DACH2: variants seen among roughly 807,000 people sequenced by gnomAD.
DACH2 encodes dachshund homolog 2.
In DACH2, 17 loss-of-function variants were observed where a neutral mutation model predicts 35.8. That is an observed-to-expected ratio of 0.48 (90% CI 0.33 to 0.71). DACH2 has a LOEUF of 0.71. Among genes scored for constraint, DACH2 ranks in the 30% least tolerant of loss-of-function variants. The probability of loss-of-function intolerance (pLI) is 0.02; values close to 1 mark genes in which losing one functional copy is unlikely to be tolerated. For missense variants in DACH2, 469 were observed against 472.7 expected (o/e 0.99, Z 0.07); for synonymous variants, 195 against 177.3 (o/e 1.10, Z -0.79).
chrX:86,248,906 A>G (rs548499759), intron 1 of DACH2, among the ~76,000 whole-genome samples: 11 of 111,044 alleles, frequency 9.9e-5, no homozygotes, highest in South Asian at 3.8e-4. Flanking sequence ...TTGCACACCC[A>G]TAACCATCTG....
intron 7 of DACH2, among the ~76,000 whole-genome samples, chrX:86,740,579 T>G (rs1362327939): frequency 2.1e-5 from 2 of 93,793 alleles, no homozygotes; most frequent in Non-Finnish European, 4.1e-5. Flanking sequence ...TGATTTCCCC[T>G]ACATTTATAT....
intron 1 of DACH2, among the ~76,000 whole-genome samples, chrX:86,281,073 T>C (rs1206760549): frequency 9.0e-6 from 1 of 111,362 alleles, no homozygotes; most frequent in Non-Finnish European, 1.9e-5. Flanking sequence ...ATTCAGGCCT[T>C]GAACTCAGCT....
At chrX:86,741,436 G>A (rs1368543725) in intron 7 of DACH2, among the ~76,000 whole-genome samples, 2 of 111,774 alleles carry the variant, frequency 1.8e-5, no homozygotes, top group Non-Finnish European at 3.8e-5. Flanking sequence ...CTGGGCAGCA[G>A]TATTTTGTTT....
chrX:86,538,835 A>G (rs62593265), intron 3 of DACH2, among the ~76,000 whole-genome samples: 5,472 of 111,541 alleles, frequency 0.049, 118 homozygotes, highest in Middle Eastern at 0.11. Context: ...GAGTGTCCCA[A>G]TAAGTAAAGA....
At chrX:86,285,644 G>A (rs2147989887) in intron 1 of DACH2, among the ~76,000 whole-genome samples, 1 of 111,594 alleles carries the variant, frequency 9.0e-6, no homozygotes, top group South Asian at 3.7e-4. Context: ...TGCAGCAGTA[G>A]GATGAAATGT....
At position 86,786,929 on chromosome X, in the gene DACH2, G is replaced by C. The variant is rs533844695; in HGVS notation, c.1241-25927G>C. On this transcript the variant is annotated intron_variant, in intron 7 of 11. Transcript: ENST00000373125. Reference sequence around the variant, plus strand: ...TTTCTAGTGCTTTTCTCATGATAGAGAATAAGTCTCATGAGATCTGATGGT... The same window carrying C: ...TTTCTAGTGCTTTTCTCATGATAGACAATAAGTCTCATGAGATCTGATGGT... Among the ~76,000 whole-genome samples, 36 of 111,494 alleles carry C rather than the reference G, an allele frequency of 3.2e-4. No homozygotes were observed. In the South Asian group the frequency reaches 0.013, roughly 40 times the overall value.
chrX:86,761,848 T>C (rs12860690), intron 7 of DACH2, among the ~76,000 whole-genome samples: 2 of 101,795 alleles, frequency 2.0e-5, no homozygotes, highest in Non-Finnish European at 3.9e-5. Flanking sequence ...CAGTGTGGCA[T>C]ACACTGGCAC....
At chrX:86,150,871 T>A (rs2030340094) in intron 1 of DACH2, among the ~76,000 whole-genome samples, 2 of 111,250 alleles carry the variant, frequency 1.8e-5, no homozygotes, top group South Asian at 7.5e-4. Context: ...GAAAACCTAT[T>A]CTCTTATTAA....
chrX:86,248,509 T>G (rs2033332779), intron 1 of DACH2, among the ~76,000 whole-genome samples: 1 of 110,763 alleles, frequency 9.0e-6, no homozygotes, highest in Non-Finnish European at 1.9e-5. Flanking sequence ...ATCTCTACAA[T>G]GAGAATTACA....
chrX:86,225,076 C>A (rs142030887), intron 1 of DACH2, among the ~76,000 whole-genome samples: 1,251 of 111,495 alleles, frequency 0.011, 5 homozygotes, highest in Non-Finnish European at 0.016. Flanking sequence ...AATTATTTTG[C>A]ATGTACTCAA....
chrX:86,173,599 A>G (rs1399153436), intron 1 of DACH2, among the ~76,000 whole-genome samples: 1 of 111,757 alleles, frequency 8.9e-6, no homozygotes, highest in Non-Finnish European at 1.9e-5. Flanking sequence ...GAATGTTAAG[A>G]AGCCTTCAAG....
At chrX:86,556,006 C>A (rs1047773411) in intron 3 of DACH2, among the ~76,000 whole-genome samples, 1 of 111,680 alleles carries the variant, frequency 9.0e-6, no homozygotes, top group Non-Finnish European at 1.9e-5. Flanking sequence ...AACTATGATT[C>A]GTGCCATAGC....
chrX:86,222,326 G>A (rs1202304200), intron 1 of DACH2, among the ~76,000 whole-genome samples: 1 of 111,997 alleles, frequency 8.9e-6, no homozygotes, highest in Non-Finnish European at 1.9e-5. Context: ...AGTTCTAGAA[G>A]ATGACCTGTG....
intron 4 of DACH2, among the ~76,000 whole-genome samples, chrX:86,656,857 G>GTATATATATATATATATATA (rs752576150): frequency 2.1e-4 from 14 of 66,745 alleles, no homozygotes; most frequent in East Asian, 1.0e-3. Context: ...GTGTGTGTGT[G>GTATATATATATATATATATA]TATATATATA....
At chrX:86,511,691 G>C (rs1169582560) in intron 2 of DACH2, among the ~76,000 whole-genome samples, 2 of 111,626 alleles carry the variant, frequency 1.8e-5, no homozygotes, top group Admixed American at 1.9e-4. Context: ...GGTACCTAGT[G>C]CATGTTTGTT....
chrX:86,724,225 A>G (rs2041439885), intron 6 of DACH2, among the ~76,000 whole-genome samples: 1 of 111,231 alleles, frequency 9.0e-6, no homozygotes, highest in Non-Finnish European at 1.9e-5. Context: ...GATTTGATGG[A>G]ATTCCATCAT....
chrX:86,794,953 T>A (rs1740062046), intron 7 of DACH2, among the ~76,000 whole-genome samples: 1 of 111,664 alleles, frequency 9.0e-6, no homozygotes, highest in Non-Finnish European at 1.9e-5. Flanking sequence ...ATGATGCACT[T>A]CACCATCTGT....
chrX:86,789,688 G>T (rs1051177408), intron 7 of DACH2, among the ~76,000 whole-genome samples: 20 of 111,846 alleles, frequency 1.8e-4, no homozygotes, highest in African/African-American at 6.1e-4. Context: ...CAAAGTATAA[G>T]ATATGGCCAT....
At chrX:86,229,369 G>A (rs1159139033) in intron 1 of DACH2, among the ~76,000 whole-genome samples, 1 of 111,938 alleles carries the variant, frequency 8.9e-6, no homozygotes, top group Non-Finnish European at 1.9e-5. Flanking sequence ...GGTGACTATG[G>A]CCTTATAGTA....
Sources: gnomAD v4.1 joint callset for allele counts (sites outside exome capture counted in the v4.1 genomes callset) on GRCh38, gnomAD v4.1.1 for gene constraint, MANE v1.5 for transcripts, NCBI Gene and HGNC (gene_info 2026-07-23, HGNC 2026-07-21) for gene names.